The following B3GALT1 variants were observed in gnomAD, a reference collection of about 807,000 sequenced individuals.
The protein encoded by B3GALT1 is UDP-Gal:betaGlcNAc beta 1,3-galactosyltransferase, polypeptide 1.
In B3GALT1, 10 loss-of-function variants were observed where a neutral mutation model predicts 23.2. The observed-to-expected ratio is 0.43, with a 90% CI of 0.27 to 0.73. B3GALT1 has a LOEUF of 0.73. Among genes scored for constraint, B3GALT1 ranks in the 30% least tolerant of loss-of-function variants. The pLI is 0.21. For synonymous variants in B3GALT1, 156 were observed against 141.5 expected, an observed-to-expected ratio of 1.10 and a Z score of -0.73; for missense variants, 299 against 405.4, an observed-to-expected ratio of 0.74 and a Z score of 2.25.
intron 1 of B3GALT1, among the ~76,000 whole-genome samples, chr2:167,399,265 A>T (rs1051701199): frequency 6.7e-6 from 1 of 149,758 alleles, no homozygotes; most frequent in Non-Finnish European, 1.5e-5. Context: ...TCTTCAAAAC[A>T]TGTGTCAAGT....
At chr2:167,760,847 G>A (rs1294245483) in intron 3 of B3GALT1, among the ~76,000 whole-genome samples, 2 of 152,146 alleles carry the variant, frequency 1.3e-5, no homozygotes, top group Non-Finnish European at 2.9e-5. Context: ...TTCTAGAAGA[G>A]GAAGAAAAAG....
intron 2 of B3GALT1, among the ~76,000 whole-genome samples, chr2:167,520,166 A>G (rs1486215671): frequency 6.6e-6 from 1 of 152,194 alleles, no homozygotes; most frequent in African/African-American, 2.4e-5. Flanking sequence ...TTTATTTCTC[A>G]ACATAAACCC....
At chr2:167,560,412 A>T (rs1683954691) in intron 2 of B3GALT1, among the ~76,000 whole-genome samples, 1 of 152,182 alleles carries the variant, frequency 6.6e-6, no homozygotes, top group Non-Finnish European at 1.5e-5. Flanking sequence ...AAGCAAAATA[A>T]CCAGCTAACA....
chr2:167,464,186 A>G (rs1050342891), intron 1 of B3GALT1, among the ~76,000 whole-genome samples: 2 of 151,854 alleles, frequency 1.3e-5, no homozygotes, highest in East Asian at 1.9e-4. Context: ...AAAAGGATCT[A>G]TTTTCACTTA....
chr2:167,513,195 CAG>C (rs1307289497), intron 2 of B3GALT1, among the ~76,000 whole-genome samples: 1 of 149,662 alleles, frequency 6.7e-6, no homozygotes, highest in Non-Finnish European at 1.5e-5. Flanking sequence ...TATAAAATAA[CAG>C]AAATTTTACA....
At chr2:167,804,275 C>G (rs1162170538) in intron 3 of B3GALT1, among the ~76,000 whole-genome samples, 1 of 152,104 alleles carries the variant, frequency 6.6e-6, no homozygotes, top group Non-Finnish European at 1.5e-5. Context: ...CAGGCATGAG[C>G]CACCATGCCC....
intron 3 of B3GALT1, among the ~76,000 whole-genome samples, chr2:167,685,138 C>G (rs1686597415): frequency 6.6e-6 from 1 of 152,240 alleles, no homozygotes; most frequent in South Asian, 2.1e-4. Flanking sequence ...TGTTCTTAGA[C>G]AAATTCAGAC....
chr2:167,300,317 C>T (rs1696424925), intron 1 of B3GALT1, among the ~76,000 whole-genome samples: 1 of 152,096 alleles, frequency 6.6e-6, no homozygotes, highest in Admixed American at 6.5e-5. Context: ...TCAAAAGCTT[C>T]CTAAGGGACA....
rs538837054 is a variant in B3GALT1 at position 167,567,276 on chromosome 2, A to G, written c.-410+76999A>G. 1.1e-4 allele frequency among the ~76,000 whole-genome samples: 16 copies of G among 152,314 alleles called. No homozygotes were observed. The South Asian group carries it at 2.1e-3, about 20-fold the overall frequency. ...TTAATCTGCAAGAATGTAGATGACA[A>G]TACCTGATTATATTTCAGATAGTGT... On this transcript the variant is annotated intron_variant, in intron 2 of 4. Coordinates refer to ENST00000392690, the MANE Select transcript of B3GALT1 (RefSeq NM_020981.4).
chr2:167,434,440 C>A (rs1262289546), intron 1 of B3GALT1, among the ~76,000 whole-genome samples: 1 of 151,166 alleles, frequency 6.6e-6, no homozygotes, highest in African/African-American at 2.4e-5. Context: ...TCTCCCACCC[C>A]CCAATCTTGT....
chr2:167,339,387 T>C (rs1336556915), intron 1 of B3GALT1, among the ~76,000 whole-genome samples: 3 of 150,334 alleles, frequency 2.0e-5, no homozygotes, highest in Non-Finnish European at 3.0e-5. Flanking sequence ...TGAATGCATA[T>C]GTGTGGAGAG....
intron 3 of B3GALT1, among the ~76,000 whole-genome samples, chr2:167,664,934 C>G (rs1262464871): frequency 6.7e-6 from 1 of 150,074 alleles, no homozygotes; most frequent in Non-Finnish European, 1.5e-5. Flanking sequence ...TTCCTCTTTT[C>G]CTAATTGAAT....
intron 2 of B3GALT1, among the ~76,000 whole-genome samples, chr2:167,593,134 T>C (rs1168563321): frequency 6.6e-6 from 1 of 152,190 alleles, no homozygotes. Context: ...TCTAAACACT[T>C]AAGTACAAAG....
intron 2 of B3GALT1, among the ~76,000 whole-genome samples, chr2:167,626,643 A>G (rs528359696): frequency 1.3e-5 from 2 of 151,884 alleles, no homozygotes; most frequent in East Asian, 3.9e-4. Flanking sequence ...GTGGTTTTGG[A>G]CTGTTTGCTA....
At chr2:167,452,947 A>T (rs112140474) in intron 1 of B3GALT1, among the ~76,000 whole-genome samples, 2,033 of 152,304 alleles carry the variant, frequency 0.013, 44 homozygotes, top group African/African-American at 0.046. Flanking sequence ...ATGGTGCCTG[A>T]TATCAGTAGT....
At chr2:167,327,512 C>T (rs556773621) in intron 1 of B3GALT1, among the ~76,000 whole-genome samples, 2 of 152,036 alleles carry the variant, frequency 1.3e-5, no homozygotes, top group South Asian at 4.2e-4. Flanking sequence ...TTCTTGATTT[C>T]TGTTTTGGCT....
At chr2:167,465,415 G>A (rs746270903) in intron 1 of B3GALT1, among the ~76,000 whole-genome samples, 62 of 152,174 alleles carry the variant, frequency 4.1e-4, no homozygotes, top group Middle Eastern at 3.4e-3. Flanking sequence ...TCTGGAGGCC[G>A]GAAATGCTAG....
chr2:167,646,804 T>G (rs1685755020), intron 2 of B3GALT1, among the ~76,000 whole-genome samples, 105 bp from the exon 3 acceptor site: 1 of 152,166 alleles, frequency 6.6e-6, no homozygotes, highest in Non-Finnish European at 1.5e-5. Flanking sequence ...GACAATAAAT[T>G]TTGAAAGTGG....
intron 1 of B3GALT1, among the ~76,000 whole-genome samples, chr2:167,485,614 G>T (rs560975527): frequency 6.6e-6 from 1 of 152,138 alleles, no homozygotes; most frequent in African/African-American, 2.4e-5. Context: ...GCTAAGCTAC[G>T]AAGTTAATTT....
Sources: gnomAD v4.1 joint callset for allele counts (sites outside exome capture counted in the v4.1 genomes callset) on GRCh38, gnomAD v4.1.1 for gene constraint, MANE v1.5 for transcripts, NCBI Gene and HGNC (gene_info 2026-07-23, HGNC 2026-07-21) for gene names.